The following PDCD10 variants were observed in gnomAD, a reference collection of about 807,000 sequenced individuals.
PDCD10 encodes programmed cell death 10.
Under a neutral mutation model 29.2 loss-of-function variants are expected in PDCD10, and 4 were observed. The observed-to-expected ratio is 0.14, with a 90% CI of 0.07 to 0.31. The LOEUF (loss-of-function observed/expected upper bound fraction) is 0.31, where lower values mean the gene tolerates loss of function less well. PDCD10 is among the 10% of genes least tolerant of loss of function. The pLI, the probability that PDCD10 is intolerant of heterozygous loss-of-function variation, is 1.00. For missense variants in PDCD10, 183 were observed against 257.9 expected, an observed-to-expected ratio of 0.71 and a Z score of 1.99; for synonymous variants, 70 against 82.2, an observed-to-expected ratio of 0.85 and a Z score of 0.80.
At chr3:167,706,577 C>A (rs922838058) in intron 3 of PDCD10, among the ~76,000 whole-genome samples, 3 of 152,166 alleles carry the variant, frequency 2.0e-5, no homozygotes, top group Admixed American at 2.0e-4. Context: ...CTACAATGAA[C>A]AATGGCTTTA....
At chr3:167,688,527 T>C (rs770865735) in intron 6 of PDCD10, among the ~76,000 whole-genome samples, 2 of 152,210 alleles carry the variant, frequency 1.3e-5, no homozygotes, top group African/African-American at 4.8e-5. Context: ...CACCATTTTT[T>C]CTGAACTTTT....
intron 6 of PDCD10, chr3:167,694,732 CTCCCA>C (rs1381766262): frequency 2.0e-5 from 3 of 153,010 alleles, no homozygotes; most frequent in Non-Finnish European, 4.4e-5. Context: ...GCTGCCACTC[CTCCCA>C]CTGCCCAAAC....
chr3:167,697,235 T>A (rs1720909415), intron 4 of PDCD10, 109 bp from the exon 5 acceptor site: 2 of 691,954 alleles, frequency 2.9e-6, no homozygotes. Context: ...TGATAACTTT[T>A]AAGGGCAGAA....
chr3:167,708,222 A>G (rs1423793087), intron 3 of PDCD10, among the ~76,000 whole-genome samples: 3 of 151,860 alleles, frequency 2.0e-5, no homozygotes, highest in African/African-American at 7.3e-5. Context: ...CAAAAGTATC[A>G]GTTTCTTCTA....
intron 4 of PDCD10, among the ~76,000 whole-genome samples, chr3:167,699,234 G>A (rs892491021): frequency 3.3e-5 from 5 of 152,020 alleles, no homozygotes; most frequent in African/African-American, 1.2e-4. Context: ...CATAGCACTG[G>A]CCAAAAAGTC....
chr3:167,703,762 G>A (rs1426140678), intron 4 of PDCD10, among the ~76,000 whole-genome samples: 3 of 151,986 alleles, frequency 2.0e-5, no homozygotes, highest in African/African-American at 7.3e-5. Flanking sequence ...CAACAGAAAT[G>A]TAATATCAGC....
At chr3:167,698,812 T>C (rs1721079737) in intron 4 of PDCD10, among the ~76,000 whole-genome samples, 1 of 152,134 alleles carries the variant, frequency 6.6e-6, no homozygotes, top group South Asian at 2.1e-4. Flanking sequence ...AATAAAGTAC[T>C]GAAAGGTTAA....
intron 8 of PDCD10, 133 bp downstream of exon 8, chr3:167,687,101 G>A (rs1217589694): frequency 1.7e-6 from 1 of 585,498 alleles, no homozygotes; most frequent in East Asian, 2.9e-5. Flanking sequence ...TATTGTTAAT[G>A]GTCTGCCTTC....
intron 3 of PDCD10, among the ~76,000 whole-genome samples, chr3:167,712,691 G>A (rs1160280931): frequency 2.6e-5 from 4 of 151,528 alleles, no homozygotes; most frequent in African/African-American, 9.7e-5. Context: ...TAAAAAACAA[G>A]AACAACCTGT....
intron 3 of PDCD10, among the ~76,000 whole-genome samples, chr3:167,719,426 A>T (rs1172845458): frequency 1.3e-5 from 2 of 152,118 alleles, no homozygotes; most frequent in Non-Finnish European, 2.9e-5. Context: ...TCAGTTCCAG[A>T]ATTCTCTACA....
chr3:167,695,721 C>T lies in PDCD10; in HGVS notation c.270G>A (p.Glu90=). The T allele has an allele frequency of 1.9e-6, 3 of 1,613,352 alleles. No individual in the cohort carries two copies. Among genetic ancestry groups the T allele is most frequent in the Non-Finnish European group, 2.5e-6 (3 of 1,179,370 alleles). The change falls in exon 6 of 9, where the codon GAG becomes GAA. Residue 90 remains glutamate, a splice_region_variant and synonymous_variant. Transcript: ENST00000392750. ...CTGGCTCTGGTCGTTCAATCATATA[C>T]TCTGATAAAATAAATACATAATAAA... ...LLRMAADDVE[E]YMIERPEPEF... is the part of the protein sequence containing the mutation.
At chr3:167,691,622 G>C (rs568231331) in intron 6 of PDCD10, among the ~76,000 whole-genome samples, 13 of 152,328 alleles carry the variant, frequency 8.5e-5, no homozygotes, top group African/African-American at 3.1e-4. Context: ...GACAGGATGA[G>C]AGCTCTGGGC....
At chr3:167,693,017 C>T (rs1443832005) in intron 6 of PDCD10, among the ~76,000 whole-genome samples, 2 of 152,146 alleles carry the variant, frequency 1.3e-5, no homozygotes, top group African/African-American at 4.8e-5. Flanking sequence ...TTTTATATTC[C>T]TGGCCCTTAA....
At position 167,684,215 on chromosome 3, in the gene PDCD10, G is replaced by C. The variant is rs1719328122; in HGVS notation, c.*93C>G. On this transcript the variant is annotated 3_prime_UTR_variant, in exon 9 of 9. Coordinates refer to ENST00000392750, the MANE Select transcript of PDCD10 (RefSeq NM_007217.4). ...TCCTGGATTAGATCCCTTCAGGAGG[G>C]ACTGATAATTTATACAGTCAAACTT... 1.3e-6 allele frequency: 1 copy of C among 756,470 alleles called. No homozygotes were observed. Among genetic ancestry groups the C allele is most frequent in the Non-Finnish European group, 2.4e-6 (1 of 413,750 alleles). 46.9% of individuals were successfully genotyped at this position (756,470 alleles called of 1,614,324 possible).
intron 4 of PDCD10, chr3:167,698,032 A>C: frequency 2.2e-6 from 1 of 456,022 alleles, no homozygotes; most frequent in Non-Finnish European, 4.4e-6. Flanking sequence ...TCAGATGGCA[A>C]TCTTTTTGTT....
intron 4 of PDCD10, among the ~76,000 whole-genome samples, chr3:167,702,781 A>C (rs1721578425): frequency 6.6e-6 from 1 of 152,222 alleles, no homozygotes; most frequent in Non-Finnish European, 1.5e-5. Context: ...TAATTTAAAA[A>C]ATACAAGCAT....
At chr3:167,721,793 C>G (rs1406495989) in intron 2 of PDCD10, among the ~76,000 whole-genome samples, 1 of 152,100 alleles carries the variant, frequency 6.6e-6, no homozygotes, top group African/African-American at 2.4e-5. Context: ...GAATTTCATT[C>G]TATGGGGAAA....
At chr3:167,704,731 G>A in intron 4 of PDCD10, 111 bp downstream of exon 4, 1 of 755,218 alleles carries the variant, frequency 1.3e-6, no homozygotes, top group Admixed American at 1.8e-5. Flanking sequence ...ACAGGCATAA[G>A]ATGGCTAAAA....
intron 3 of PDCD10, among the ~76,000 whole-genome samples, chr3:167,710,030 G>A (rs900752537): frequency 6.6e-6 from 1 of 152,092 alleles, no homozygotes; most frequent in Non-Finnish European, 1.5e-5. Context: ...ATCCTGGCAG[G>A]ATTCATCGCC....
Sources: allele counts gnomAD v4.1 joint callset (sites outside exome capture counted in the v4.1 genomes callset), GRCh38; gene constraint gnomAD v4.1.1; transcripts MANE v1.5; gene names NCBI Gene and HGNC (gene_info 2026-07-23, HGNC 2026-07-21).